Variants in RUBCNL observed in about 807,000 individuals in gnomAD.
RUBCNL encodes the protein protein associated with UVRAG as autophagy enhancer.
Under a neutral mutation model 69.5 loss-of-function variants are expected in RUBCNL, and 62 were observed. That is an observed-to-expected ratio of 0.89 (90% CI 0.73 to 1.10). RUBCNL has a LOEUF of 1.10. Ranked by LOEUF, RUBCNL falls within the 50% of genes least tolerant of loss-of-function variation. The probability of loss-of-function intolerance (pLI) is 0.00; values close to 1 mark genes in which losing one functional copy is unlikely to be tolerated. For synonymous variants in RUBCNL, 291 were observed against 303.6 expected, an observed-to-expected ratio of 0.96 and a Z score of 0.43; for missense variants, 768 against 798.1, an observed-to-expected ratio of 0.96 and a Z score of 0.45.
At chr13:46,381,570 A>G (rs1231083164) in intron 1 of RUBCNL, among the ~76,000 whole-genome samples, 3 of 152,088 alleles carry the variant, frequency 2.0e-5, no homozygotes, top group Non-Finnish European at 4.4e-5. Context: ...TGACTTGTAC[A>G]CTTTTTTTCC....
rs1249741488 is a variant in RUBCNL, at chr13:46,343,486, A to C, written c.1888T>G (p.Cys630Gly). 5 of 1,613,754 alleles carry C rather than the reference A, an allele frequency of 3.1e-6. No individual in the cohort carries two copies. The African/African-American group carries it at 5.3e-5, about 17-fold the overall frequency. Residue 630 changes from cysteine (C) to glycine (G), a missense_variant, in exon 15 of 15, where the codon TGC becomes GGC. Transcript: ENST00000429979. ...GACTGGAAGCACTGTTTGTGAAAGC[A>C]AGCCCTGCACGCTGCAAGCAAGGAA... ...TCRRCSACRA[C>G]FHKQCFQSSE...
intron 2 of RUBCNL, among the ~76,000 whole-genome samples, chr13:46,377,580 T>C (rs945487724): frequency 1.3e-5 from 2 of 152,202 alleles, no homozygotes; most frequent in African/African-American, 4.8e-5. Flanking sequence ...GTGTTTTTTA[T>C]AAACAAGTTA....
chr13:46,362,441 G>C, intron 7 of RUBCNL, 97 bp downstream of exon 7: 4 of 644,838 alleles, frequency 6.2e-6, no homozygotes, highest in Non-Finnish European at 1.0e-5. Context: ...ACTGGAACTA[G>C]CTAAAGTGGG....
rs1408874324 is a variant in RUBCNL at position 46,343,597 on chromosome 13, T to C, written c.1877-100A>G. ...TCCTAGGGAGGGAGAGGGGTCTGAA[T>C]CCAGAGCCCAGAGTCTTCTAAAAAG... On this transcript the variant is annotated intron_variant, in intron 14 of 14. Coordinates refer to ENST00000429979, the MANE Select transcript of RUBCNL (RefSeq NM_025113.5). The C allele has an allele frequency of 6.3e-6, 8 of 1,260,252 alleles. No homozygotes were observed. The East Asian group carries it at 1.5e-4, about 23-fold the overall frequency. 78.1% of individuals were successfully genotyped at this position (1,260,252 alleles called of 1,614,324 possible).
At chr13:46,378,464 T>C (rs1389115038) in intron 1 of RUBCNL, 2 of 153,434 alleles carry the variant, frequency 1.3e-5, no homozygotes, top group Non-Finnish European at 2.9e-5. Context: ...CTTACTGAGA[T>C]TTTCCAGCTG....
rs747379718 is a variant in RUBCNL, at chr13:46,359,485, C to G, written c.1265+1G>C. ...AGGCCCAAGCAACAGCCCATACTTACTTGAGTGGTGGATGAATATTAAATA... is the reference window on the plus strand; with the variant it reads ...AGGCCCAAGCAACAGCCCATACTTAGTTGAGTGGTGGATGAATATTAAATA... On this transcript the variant is annotated splice_donor_variant, in intron 9 of 14. Transcript: ENST00000429979. LOFTEE classifies it high-confidence loss of function. 1.2e-6 allele frequency: 2 copies of G among 1,603,978 alleles called. No homozygotes were observed. Among genetic ancestry groups the G allele is most frequent in the Admixed American group, 1.7e-5 (1 of 58,650 alleles).
Position 46,372,363 on chromosome 13 carries a change from G to A in RUBCNL, c.113C>T (p.Pro38Leu), listed in dbSNP as rs1486490341. The change falls in exon 3 of 15, where the codon CCT becomes CTT. Residue 38 changes from proline to leucine, a missense_variant. Transcript: ENST00000429979. ...GSPRLLNTDH[P>L]PCQLDIRLMR... ...GAGCCTGATGTCTAATTGGCAAGGA[G>A]GATGGTCAGTGTTCAGGAGTCTGGG... 1 of 1,614,004 alleles carries A rather than the reference G, an allele frequency of 6.2e-7. No individual in the cohort carries two copies. Among genetic ancestry groups the A allele is most frequent in the Non-Finnish European group, 8.5e-7 (1 of 1,179,892 alleles).
At chr13:46,356,159 G>C (rs1431724992) in intron 10 of RUBCNL, among the ~76,000 whole-genome samples, 1 of 152,152 alleles carries the variant, frequency 6.6e-6, no homozygotes, top group Non-Finnish European at 1.5e-5. Context: ...AGTGAGCCTG[G>C]CATTTTCAAG....
chr13:46,341,933 G>A lies in RUBCNL; in HGVS notation c.*1452C>T, dbSNP rs1249321509. 1.3e-5 allele frequency: 2 copies of A among 152,220 alleles called. No individual in the cohort carries two copies. The highest frequency in any genetic ancestry group is 4.8e-5 in the African/African-American group (2 of 41,466). 9.4% of individuals were successfully genotyped at this position (152,220 alleles called of 1,614,324 possible). A position where few individuals can be genotyped will look rare whatever the true frequency, so the allele number is the denominator to read the frequency against. ...ATAGACATCTGCCTCAGAAAGGAAT[G>A]TGAACATACCACTCTTACCCTTGAT... On this transcript the variant is annotated 3_prime_UTR_variant, in exon 15 of 15. Coordinates refer to ENST00000429979, the MANE Select transcript of RUBCNL (RefSeq NM_025113.5).
chr13:46,381,921 C>T (rs1182493789), intron 1 of RUBCNL, among the ~76,000 whole-genome samples: 1 of 152,132 alleles, frequency 6.6e-6, no homozygotes, highest in Non-Finnish European at 1.5e-5. Flanking sequence ...CCTATTGTCT[C>T]AGCCTTTAGA....
At chr13:46,369,101 G>T (rs2048824665) in intron 3 of RUBCNL, among the ~76,000 whole-genome samples, 2 of 152,180 alleles carry the variant, frequency 1.3e-5, no homozygotes, top group African/African-American at 4.8e-5. Context: ...AGAGAATAGG[G>T]TCCTGGGAAA....
At chr13:46,371,073 A>G (rs1297604637) in intron 3 of RUBCNL, among the ~76,000 whole-genome samples, 1 of 152,238 alleles carries the variant, frequency 6.6e-6, no homozygotes, top group Non-Finnish European at 1.5e-5. Context: ...TTGCTCAAAC[A>G]TTTCCAAAAG....
At chr13:46,372,640 T>C (rs2048904834) in intron 2 of RUBCNL, 43 bp from the exon 3 acceptor site, 5 of 1,420,878 alleles carry the variant, frequency 3.5e-6, no homozygotes, top group Non-Finnish European at 4.6e-6. Context: ...AAGAATTCAA[T>C]TGTATTTTGG....
chr13:46,351,828 C>A (rs960466690), intron 10 of RUBCNL, among the ~76,000 whole-genome samples: 6 of 129,822 alleles, frequency 4.6e-5, no homozygotes, highest in African/African-American at 1.8e-4. Flanking sequence ...GCTCTTTACA[C>A]TTTTTTTTTT....
chr13:46,348,288 T>C (rs1395327696), intron 12 of RUBCNL, among the ~76,000 whole-genome samples: 2 of 152,204 alleles, frequency 1.3e-5, no homozygotes, highest in Non-Finnish European at 2.9e-5. Flanking sequence ...ATGTTAATAC[T>C]TTAATGCCAC....
chr13:46,363,139 C>G lies in RUBCNL; in HGVS notation c.901G>C (p.Asp301His), dbSNP rs190839538. Reference sequence around the variant, plus strand: ...CCTAAAATAACAAATTCATCAACATCGCATTTGCAAATCTCTTTCACATCA... The same window carrying G: ...CCTAAAATAACAAATTCATCAACATGGCATTTGCAAATCTCTTTCACATCA... ...YHDVKEICKCDVDEFVILELG... is the reference protein window; with the variant it reads ...YHDVKEICKCHVDEFVILELG... Residue 301 changes from aspartate to histidine, a missense_variant, in exon 6 of 15, where the codon GAT (aspartate) becomes CAT (histidine). Transcript: ENST00000429979. 2 of 1,599,320 alleles carry G rather than the reference C, an allele frequency of 1.3e-6. No individual in the cohort carries two copies. The highest frequency in any genetic ancestry group is 1.7e-6 in the Non-Finnish European group (2 of 1,172,748).
In RUBCNL at chr13:46,359,583, C is replaced by T. The variant is rs2048566267; in HGVS notation, c.1168G>A (p.Val390Ile). The T allele has an allele frequency of 6.3e-7, 1 of 1,592,560 alleles. No homozygotes were observed. Among genetic ancestry groups the T allele is most frequent in the East Asian group, 2.3e-5 (1 of 44,380 alleles). Residue 390 changes from valine to isoleucine, a missense_variant, in exon 9 of 15, where the codon GTA becomes ATA. By Grantham distance (29) the Val-to-Ile change is conservative. Coordinates refer to ENST00000429979, the MANE Select transcript of RUBCNL (RefSeq NM_025113.5). ...VRKDFESSMNVVQEIKFKSRI... is the reference protein window; with the variant it reads ...VRKDFESSMNIVQEIKFKSRI... ...GACTTAAATTTAATTTCCTGTACTACATTCATACTGGATTCAAAGTCTTTT... is the reference window on the plus strand; with the variant it reads ...GACTTAAATTTAATTTCCTGTACTATATTCATACTGGATTCAAAGTCTTTT...
At chr13:46,376,402 C>T (rs527462467) in intron 2 of RUBCNL, among the ~76,000 whole-genome samples, 9 of 151,942 alleles carry the variant, frequency 5.9e-5, no homozygotes, top group African/African-American at 2.2e-4. Flanking sequence ...TAAACATATA[C>T]ATGCATCTTG....
At chr13:46,370,491 C>T (rs1298345553) in intron 3 of RUBCNL, among the ~76,000 whole-genome samples, 1 of 152,224 alleles carries the variant, frequency 6.6e-6, no homozygotes, top group Non-Finnish European at 1.5e-5. Flanking sequence ...AACCAGATCA[C>T]TCAAGGCTTC....
Sources: gnomAD v4.1 joint callset for allele counts (sites outside exome capture counted in the v4.1 genomes callset) on GRCh38, gnomAD v4.1.1 for gene constraint, MANE v1.5 for transcripts, NCBI Gene and HGNC (gene_info 2026-07-23, HGNC 2026-07-21) for gene names.